Variants in WSCD2 observed in about 807,000 individuals in gnomAD.
WSCD2 encodes WSC domain sialate O sulfotransferase 2.
Under a neutral mutation model 55.7 loss-of-function variants are expected in WSCD2, and 28 were observed. The ratio of observed to expected loss-of-function variants is 0.50; its 90% CI spans 0.37 to 0.69. The LOEUF is 0.69. WSCD2 is among the 30% of genes least tolerant of loss of function. The pLI, the probability that WSCD2 is intolerant of heterozygous loss-of-function variation, is 0.00. For synonymous variants in WSCD2, 301 were observed against 301.9 expected, an observed-to-expected ratio of 1.00 and a Z score of 0.03; for missense variants, 616 against 762.1, an observed-to-expected ratio of 0.81 and a Z score of 2.26.
intron 1 of WSCD2, among the ~76,000 whole-genome samples, chr12:108,141,753 G>C (rs1876839796): frequency 1.3e-5 from 2 of 152,162 alleles, no homozygotes. Flanking sequence ...CCTGCTTTTG[G>C]GGTCGGGGAG....
chr12:108,238,777 A>G lies in WSCD2; in HGVS notation c.1145-1567A>G, dbSNP rs185645703. Among the ~76,000 whole-genome samples, 115 of 152,272 alleles carry G rather than the reference A, an allele frequency of 7.6e-4. 1 individual carries two copies. The highest frequency in any genetic ancestry group is 2.5e-3 in the African/African-American group (103 of 41,572). On this transcript the variant is annotated intron_variant, in intron 7 of 8. Transcript: ENST00000547525. ...AATAACATTTCTACCTGGCCTTAATACCATATCCAAATGCCTTAGCTTGCA... is the reference window on the plus strand; with the variant it reads ...AATAACATTTCTACCTGGCCTTAATGCCATATCCAAATGCCTTAGCTTGCA...
At chr12:108,184,308 C>T (rs935843889) in intron 1 of WSCD2, among the ~76,000 whole-genome samples, 3 of 152,164 alleles carry the variant, frequency 2.0e-5, no homozygotes, top group Non-Finnish European at 4.4e-5. Context: ...ACCACCTCTC[C>T]ACCACCACCC....
chr12:108,161,970 C>T (rs1592909844), intron 1 of WSCD2, among the ~76,000 whole-genome samples: 1 of 152,230 alleles, frequency 6.6e-6, no homozygotes, highest in Non-Finnish European at 1.5e-5. Flanking sequence ...ACTGTCATCT[C>T]AAGCCCTCAC....
At chr12:108,130,999 T>A (rs2136842072) in intron 1 of WSCD2, among the ~76,000 whole-genome samples, 1 of 152,356 alleles carries the variant, frequency 6.6e-6, no homozygotes, top group Admixed American at 6.5e-5. Flanking sequence ...GGCATGGTGC[T>A]ACCTACTTGG....
At chr12:108,236,837 C>T (rs7975040) in intron 7 of WSCD2, among the ~76,000 whole-genome samples, 4,707 of 152,230 alleles carry the variant, frequency 0.031, 233 homozygotes, top group African/African-American at 0.11. Flanking sequence ...CACTGTTCCC[C>T]TTTCCCTGGG....
intron 1 of WSCD2, among the ~76,000 whole-genome samples, chr12:108,184,040 G>A (rs564958309): frequency 1.3e-5 from 2 of 152,322 alleles, no homozygotes; most frequent in South Asian, 4.1e-4. Context: ...CAAGGCTGAA[G>A]GCTGGGATGC....
chr12:108,245,155 AC>A (rs1327102044), intron 8 of WSCD2, among the ~76,000 whole-genome samples: 1 of 152,214 alleles, frequency 6.6e-6, no homozygotes, highest in Non-Finnish European at 1.5e-5. Context: ...AAATCTCCAC[AC>A]TGTTTTCCAT....
At chr12:108,219,373 T>C (rs1251744946) in intron 4 of WSCD2, among the ~76,000 whole-genome samples, 2 of 152,126 alleles carry the variant, frequency 1.3e-5, no homozygotes, top group South Asian at 2.1e-4. Context: ...CCCAGACAGG[T>C]GGATCTGCAC....
chr12:108,148,486 TG>T (rs1877636394), intron 1 of WSCD2, among the ~76,000 whole-genome samples: 1 of 152,188 alleles, frequency 6.6e-6, no homozygotes, highest in South Asian at 2.1e-4. Flanking sequence ...GTAAGGGTTT[TG>T]GAAACAGTTC....
intron 2 of WSCD2, among the ~76,000 whole-genome samples, chr12:108,202,595 T>C (rs927255816): frequency 6.6e-6 from 1 of 152,082 alleles, no homozygotes; most frequent in African/African-American, 2.4e-5. Context: ...AGCAAACTAA[T>C]GCAGGAACAG....
intron 4 of WSCD2, among the ~76,000 whole-genome samples, chr12:108,223,883 C>G (rs1268689193): frequency 1.3e-5 from 2 of 152,194 alleles, no homozygotes; most frequent in African/African-American, 4.8e-5. Flanking sequence ...ATTTCTCATC[C>G]AGAGCCCCCT....
rs148896663 is a variant in WSCD2 at position 108,217,762 on chromosome 12, C to G, written c.683-6977C>G. Among the ~76,000 whole-genome samples the G allele has an allele frequency of 1.0e-3, 153 of 152,328 alleles. 1 individual carries two copies. Among genetic ancestry groups the G allele is most frequent in the Middle Eastern group, 6.8e-3 (2 of 294 alleles). On this transcript the variant is annotated intron_variant, in intron 4 of 8. Transcript: ENST00000547525. ...CACTGCACCCCCAGAACACATCTTG[C>G]CCAAAGAGGTGCACAGCAGTAGCTT...
chr12:108,165,221 C>T (rs771604445), intron 1 of WSCD2, among the ~76,000 whole-genome samples: 9 of 152,118 alleles, frequency 5.9e-5, no homozygotes, highest in Non-Finnish European at 8.8e-5. Flanking sequence ...CTGGATCTTC[C>T]GGGCCAATAG....
rs777056449 is a variant in WSCD2, at chr12:108,195,841, G to A, written c.9G>A (p.Lys3=). 1.2e-6 allele frequency: 2 copies of A among 1,610,290 alleles called. No individual in the cohort carries two copies. Among genetic ancestry groups the A allele is most frequent in the Non-Finnish European group, 1.7e-6 (2 of 1,177,778 alleles). ...TCCGGAATGATCCCACTATGGCCAA[G>A]CTCTGGTTCAAATTCCAGCGGTACT... The part of the protein sequence containing the change: MA[K]LWFKFQRYFR... Residue 3 remains lysine (K), a synonymous_variant, in exon 2 of 9, where the codon AAG becomes AAA. Transcript: ENST00000547525.
At chr12:108,166,151 TC>T (rs1363087288) in intron 1 of WSCD2, among the ~76,000 whole-genome samples, 1 of 152,232 alleles carries the variant, frequency 6.6e-6, no homozygotes, top group Non-Finnish European at 1.5e-5. Context: ...GGGAGTCAGA[TC>T]TTTGTCCAAA....
At chr12:108,227,573 AT>A (rs2137172934) in intron 6 of WSCD2, among the ~76,000 whole-genome samples, 1 of 152,194 alleles carries the variant, frequency 6.6e-6, no homozygotes, top group Admixed American at 6.5e-5. Flanking sequence ...CAATTCTAAG[AT>A]TTTGTCATTT....
At chr12:108,173,128 G>T (rs1304737674) in intron 1 of WSCD2, among the ~76,000 whole-genome samples, 3 of 152,124 alleles carry the variant, frequency 2.0e-5, no homozygotes, top group Non-Finnish European at 2.9e-5. Flanking sequence ...AATGTGTGTT[G>T]TTTAAGCCCT....
At chr12:108,196,852 T>C (rs183282654) in intron 2 of WSCD2, 2 of 152,440 alleles carry the variant, frequency 1.3e-5, no homozygotes, top group African/African-American at 4.8e-5. Context: ...ATTACCTTAT[T>C]TGATTTTCAC....
intron 4 of WSCD2, among the ~76,000 whole-genome samples, chr12:108,211,854 AG>A (rs1366525922): frequency 1.4e-5 from 2 of 146,524 alleles, no homozygotes; most frequent in Admixed American, 6.9e-5. Context: ...TAGTAGAGAC[AG>A]GGTTTCACTG....
Sources: gnomAD v4.1 joint callset for allele counts (sites outside exome capture counted in the v4.1 genomes callset) on GRCh38, gnomAD v4.1.1 for gene constraint, MANE v1.5 for transcripts, NCBI Gene and HGNC (gene_info 2026-07-23, HGNC 2026-07-21) for gene names.